Variants in CDON observed in about 807,000 individuals in gnomAD.
CDON encodes the protein cell adhesion associated, oncogene regulated.
In CDON, 73 loss-of-function variants were observed where a neutral mutation model predicts 120.9. The observed-to-expected ratio is 0.60, with a 90% CI of 0.50 to 0.73. The LOEUF is 0.73. Among genes scored for constraint, CDON ranks in the 30% least tolerant of loss-of-function variants. The pLI, the probability that CDON is intolerant of heterozygous loss-of-function variation, is 0.00. For synonymous variants in CDON, 566 were observed against 573.5 expected (o/e 0.99, Z 0.19); for missense variants, 1,470 against 1,587.3 (o/e 0.93, Z 1.26).
At position 126,010,327 on chromosome 11, in the gene CDON, T is replaced by C; in HGVS notation, c.1552+14A>G. 2 of 1,531,280 alleles carry C rather than the reference T, an allele frequency of 1.3e-6. No homozygotes were observed. Among genetic ancestry groups the C allele is most frequent in the Non-Finnish European group, 1.8e-6 (2 of 1,120,928 alleles). The allele number at this position is 1,531,280 out of a possible 1,614,324, so 94.9% of individuals were successfully genotyped here. A position where few individuals can be genotyped will look rare whatever the true frequency, so the allele number is the denominator to read the frequency against. On this transcript the variant is annotated intron_variant, in intron 8 of 19. Transcript: ENST00000531738. ...AAATTACTCAACTAAAAATAAATAA[T>C]AATGGCAACTCACCAACCATGAGAG...
chr11:126,027,684 C>T (rs1443860252), intron 1 of CDON, among the ~76,000 whole-genome samples: 1 of 152,160 alleles, frequency 6.6e-6, no homozygotes, highest in East Asian at 1.9e-4. Context: ...AGAAATTGAC[C>T]TTGGCAAGGG....
chr11:125,971,259 T>C (rs1367813795), intron 18 of CDON, among the ~76,000 whole-genome samples: 1 of 151,838 alleles, frequency 6.6e-6, no homozygotes, highest in Admixed American at 6.6e-5. Flanking sequence ...GGCGGGCACT[T>C]GTAGTCCCAG....
In CDON at chr11:126,021,292, C is replaced by T. The variant is rs752178829; in HGVS notation, c.305G>A (p.Ser102Asn). The change falls in exon 3 of 20, where the codon AGC (serine) becomes AAC (asparagine). Residue 102 changes from serine (S) to asparagine (N), a missense_variant. Transcript: ENST00000531738. ...LGYYQCLANN[S>N]IGAIVSGPAT... ...AGGGCCACTCACAATGGCACCGATGCTATTGTTGGCAAGGCACTGGTAGTA... is the reference window on the plus strand; with the variant it reads ...AGGGCCACTCACAATGGCACCGATGTTATTGTTGGCAAGGCACTGGTAGTA... 200 of 1,614,038 alleles carry T rather than the reference C, an allele frequency of 1.2e-4. No individual in the cohort carries two copies. The highest frequency in any genetic ancestry group is 1.2e-4 in the Non-Finnish European group (146 of 1,180,008).
Position 126,019,726 on chromosome 11 carries a change from G to A in CDON, c.389C>T (p.Thr130Ile), listed in dbSNP as rs1947579054. The change falls in exon 4 of 20, where the codon ACA becomes ATA. Residue 130 changes from threonine to isoleucine, a missense_variant. Transcript: ENST00000531738. ...DFGSSTKHVI[T>I]AEEKSAGFIG... ...GAAACCAGCACTTTTTTCTTCTGCT[G>A]TAATAACATGCTTTGTGGATGAACC... The A allele has an allele frequency of 1.2e-6, 2 of 1,613,848 alleles. No individual in the cohort carries two copies. The highest frequency in any genetic ancestry group is 1.7e-6 in the Non-Finnish European group (2 of 1,179,764).
chr11:126,057,689 T>G (rs558853821), intron 1 of CDON, among the ~76,000 whole-genome samples: 1 of 152,368 alleles, frequency 6.6e-6, no homozygotes, highest in Admixed American at 6.5e-5. Context: ...TGTACACTTG[T>G]GATATTACTA....
At chr11:126,011,818 T>C (rs1310839345) in intron 7 of CDON, among the ~76,000 whole-genome samples, 1 of 152,230 alleles carries the variant, frequency 6.6e-6, no homozygotes, top group Non-Finnish European at 1.5e-5. Context: ...AAAACCTTTT[T>C]CATCTCGTCT....
rs1947273323 is a variant in CDON at position 126,010,655 on chromosome 11, C to A, written c.1238G>T (p.Ser413Ile). 2.5e-6 allele frequency: 4 copies of A among 1,614,190 alleles called. No homozygotes were observed. In the East Asian group the frequency reaches 8.9e-5, roughly 36 times the overall value. The change falls in exon 8 of 20, where the codon AGT (serine) becomes ATT (isoleucine). Residue 413 changes from serine (S) to isoleucine (I), a missense_variant. Physicochemically the swap from Ser to Ile is moderately radical, Grantham distance 142. Transcript: ENST00000531738. ...AAAGTCTCCGTCTGCAACCTTTGCACTTACTGGTGCCGTAATTATAACTGG... is the reference window on the plus strand; with the variant it reads ...AAAGTCTCCGTCTGCAACCTTTGCAATTACTGGTGCCGTAATTATAACTGG... ...FKPVIITAPV[S>I]AKVADGDFVT... is the part of the protein sequence containing the mutation.
At chr11:126,015,791 G>A (rs2134662412) in intron 6 of CDON, among the ~76,000 whole-genome samples, 1 of 152,226 alleles carries the variant, frequency 6.6e-6, no homozygotes, top group South Asian at 2.1e-4. Context: ...TATACAAATA[G>A]TTTCTAATCC....
At chr11:126,030,946 C>A (rs1947926709) in intron 1 of CDON, among the ~76,000 whole-genome samples, 1 of 152,194 alleles carries the variant, frequency 6.6e-6, no homozygotes, top group South Asian at 2.1e-4. Flanking sequence ...TTCAATCAAA[C>A]CATTTAATAC....
At chr11:126,057,979 A>T (rs1289863920) in intron 1 of CDON, among the ~76,000 whole-genome samples, 1 of 152,216 alleles carries the variant, frequency 6.6e-6, no homozygotes, top group Admixed American at 6.5e-5. Context: ...TTTTACAGAC[A>T]AAGACCCCCA....
chr11:125,981,438 G>A (rs568184423), intron 16 of CDON, 109 bp from the exon 17 acceptor site: 15 of 1,069,276 alleles, frequency 1.4e-5, no homozygotes, highest in Admixed American at 4.6e-5. Flanking sequence ...ACGCACACAC[G>A]CACACAGTAA....
intron 18 of CDON, among the ~76,000 whole-genome samples, chr11:125,973,080 A>G (rs1249951911): frequency 2.2e-5 from 3 of 133,946 alleles, no homozygotes; most frequent in Non-Finnish European, 4.6e-5. Flanking sequence ...CTCCTTCTAA[A>G]TCCTAATTCT....
intron 12 of CDON, 45 bp downstream of exon 12, chr11:125,997,162 T>C (rs767290866): frequency 7.2e-7 from 1 of 1,386,154 alleles, no homozygotes; most frequent in South Asian, 1.2e-5. Flanking sequence ...TATATGGATC[T>C]AAAGTTCACA....
At chr11:125,993,890 G>A (rs11220308) in intron 14 of CDON, among the ~76,000 whole-genome samples, 6,956 of 152,300 alleles carry the variant, frequency 0.046, 252 homozygotes, top group Admixed American at 0.12. Context: ...CTCTACAAGT[G>A]AGCAAGATGC....
rs1565482013 is a variant in CDON at position 125,958,113 on chromosome 11, G to A, written c.*2829C>T. 1 of 152,222 alleles carries A rather than the reference G, an allele frequency of 6.6e-6. No homozygotes were observed. The highest frequency in any genetic ancestry group is 1.5e-5 in the Non-Finnish European group (1 of 68,056). 9.4% of individuals were successfully genotyped at this position (152,222 alleles called of 1,614,324 possible). ...GCGGAGGCCAGAGAGCAGCTTCTCT[G>A]GCTGCGGAGTTGGAGCCTCGGAGGA... On this transcript the variant is annotated 3_prime_UTR_variant, in exon 20 of 20. Transcript: ENST00000531738.
rs773493820 is a variant in CDON at position 126,032,453 on chromosome 11, CAA to C, written c.-61-8918_-61-8917del. ...GGAAAGCAACATAAATGAGCAGAAA[CAA>C]GAGTGTAAAGAACAATATAAATCAT... is the stretch of plus-strand genomic sequence containing the variant. On this transcript the variant is annotated intron_variant, in intron 1 of 19. Coordinates refer to ENST00000531738, the MANE Select transcript of CDON (RefSeq NM_001378964.1). 1.8e-4 allele frequency among the ~76,000 whole-genome samples: 28 copies of C among 152,148 alleles called. 1 individual carries two copies. Among genetic ancestry groups the C allele is most frequent in the African/African-American group, 4.3e-4 (18 of 41,500 alleles).
intron 1 of CDON, among the ~76,000 whole-genome samples, chr11:126,026,154 G>C (rs745897203): frequency 2.6e-5 from 4 of 152,226 alleles, no homozygotes; most frequent in African/African-American, 4.8e-5. Context: ...TTAAGGACTA[G>C]TGTTTAGTGA....
chr11:126,042,546 GAAT>G (rs1948290280), intron 1 of CDON, among the ~76,000 whole-genome samples: 1 of 152,244 alleles, frequency 6.6e-6, no homozygotes, highest in Non-Finnish European at 1.5e-5. Flanking sequence ...ATTATTCAAA[GAAT>G]AATAACAGCT....
At chr11:126,056,749 C>A (rs990130066) in intron 1 of CDON, among the ~76,000 whole-genome samples, 3 of 152,160 alleles carry the variant, frequency 2.0e-5, no homozygotes, top group Non-Finnish European at 4.4e-5. Flanking sequence ...AGCCTGACCA[C>A]AATTGTTAAT....
Sources: allele counts gnomAD v4.1 joint callset (sites outside exome capture counted in the v4.1 genomes callset), GRCh38; gene constraint gnomAD v4.1.1; transcripts MANE v1.5; gene names NCBI Gene and HGNC (gene_info 2026-07-23, HGNC 2026-07-21).